METTL25: variants seen among roughly 807,000 people sequenced by gnomAD.
METTL25 encodes methyltransferase like 25.
In METTL25, 64 loss-of-function variants were observed where a neutral mutation model predicts 71.6. The ratio of observed to expected loss-of-function variants is 0.89; its 90% CI spans 0.73 to 1.10. METTL25 has a LOEUF of 1.10. Ranked by LOEUF, METTL25 falls within the 50% of genes least tolerant of loss-of-function variation. The pLI, the probability that METTL25 is intolerant of heterozygous loss-of-function variation, is 0.00. For synonymous variants in METTL25, 287 were observed against 250.3 expected (o/e 1.15, Z -1.38); for missense variants, 807 against 707.0 (o/e 1.14, Z -1.60).
intron 5 of METTL25, among the ~76,000 whole-genome samples, chr12:82,405,210 G>T (rs1268142900): frequency 6.6e-6 from 1 of 152,010 alleles, no homozygotes; most frequent in Non-Finnish European, 1.5e-5. Flanking sequence ...ATCCTTTTTG[G>T]CAATGTAGTC....
At chr12:82,402,216 A>G (rs1051474933) in intron 4 of METTL25, among the ~76,000 whole-genome samples, 1 of 152,072 alleles carries the variant, frequency 6.6e-6, no homozygotes, top group African/African-American at 2.4e-5. Flanking sequence ...TTATATTGTC[A>G]TAGTTGATGC....
chr12:82,408,048 C>T (rs1490732432), intron 5 of METTL25: 1 of 577,220 alleles, frequency 1.7e-6, no homozygotes, highest in Non-Finnish European at 2.2e-6. Context: ...ATGCCTGGAC[C>T]TGCCTCTTAC....
intron 8 of METTL25, chr12:82,439,922 C>G: frequency 3.0e-6 from 2 of 666,354 alleles, no homozygotes; most frequent in Non-Finnish European, 3.7e-6. Flanking sequence ...AACCTTTCTT[C>G]TCACTTAAAA....
At chr12:82,437,115 T>C (rs1366871671) in intron 7 of METTL25, among the ~76,000 whole-genome samples, 1 of 151,650 alleles carries the variant, frequency 6.6e-6, no homozygotes, top group Non-Finnish European at 1.5e-5. Flanking sequence ...ATCCAGAGAT[T>C]AAGAAATTCT....
rs563812158 is a variant in METTL25 at position 82,374,081 on chromosome 12, G to C, written c.260-12722G>C. 1.8e-4 allele frequency: 28 copies of C among 158,764 alleles called. 1 individual carries two copies. The South Asian group carries it at 3.5e-3, about 20-fold the overall frequency. The allele number at this position is 158,764 out of a possible 1,614,324, so 9.8% of individuals were successfully genotyped here. On this transcript the variant is annotated intron_variant, in intron 1 of 11. Transcript: ENST00000248306. Reference sequence around the variant, plus strand: ...ATGAAGCCACAGACCTTTGCGGTGAGTATTACACTCTTTAAGATGGTGTGT... The same window carrying C: ...ATGAAGCCACAGACCTTTGCGGTGACTATTACACTCTTTAAGATGGTGTGT...
intron 1 of METTL25, among the ~76,000 whole-genome samples, chr12:82,377,868 A>G (rs1002762923): frequency 6.6e-6 from 1 of 152,238 alleles, no homozygotes; most frequent in African/African-American, 2.4e-5. Context: ...AATATTCACA[A>G]AACTTTACAT....
chr12:82,418,769 C>A (rs977761053), intron 5 of METTL25, among the ~76,000 whole-genome samples: 1 of 151,980 alleles, frequency 6.6e-6, no homozygotes, highest in Non-Finnish European at 1.5e-5. Context: ...ATAAATGAAT[C>A]CATCATAAGG....
intron 8 of METTL25, among the ~76,000 whole-genome samples, chr12:82,439,495 G>C (rs575587831): frequency 7.3e-5 from 11 of 151,714 alleles, no homozygotes; most frequent in Non-Finnish European, 1.0e-4. Flanking sequence ...CAATTTTCAG[G>C]TTCTCAAAAA....
intron 8 of METTL25, among the ~76,000 whole-genome samples, chr12:82,440,590 G>T (rs1437892192): frequency 6.6e-6 from 1 of 151,762 alleles, no homozygotes; most frequent in African/African-American, 2.4e-5. Flanking sequence ...TTTATTTATT[G>T]TGTGACAGGC....
At chr12:82,358,875 G>C in intron 1 of METTL25, 51 bp downstream of exon 1, 1 of 1,549,222 alleles carries the variant, frequency 6.5e-7, no homozygotes, top group Non-Finnish European at 8.7e-7. Flanking sequence ...AGAAGGTCCC[G>C]GCAGACGAAG....
intron 1 of METTL25, among the ~76,000 whole-genome samples, chr12:82,383,942 T>C (rs1202312642): frequency 1.3e-5 from 2 of 152,164 alleles, no homozygotes; most frequent in Non-Finnish European, 2.9e-5. Flanking sequence ...CCTTCCCTTC[T>C]TCCCTTATGA....
intron 1 of METTL25, among the ~76,000 whole-genome samples, chr12:82,370,737 T>C (rs1017453517): frequency 9.9e-5 from 15 of 152,202 alleles, no homozygotes; most frequent in African/African-American, 3.6e-4. Flanking sequence ...TCTTTGTCTC[T>C]CTCTTTCTCT....
chr12:82,375,452 A>AT (rs11407565), intron 1 of METTL25, among the ~76,000 whole-genome samples: 128,764 of 151,662 alleles, frequency 0.85, 55,006 homozygotes, highest in East Asian at 0.99. Flanking sequence ...GAAAAAAAAA[A>AT]ATATATATAT....
chr12:82,428,211 A>G (rs934229016), intron 5 of METTL25, among the ~76,000 whole-genome samples: 2 of 151,892 alleles, frequency 1.3e-5, no homozygotes, highest in Non-Finnish European at 1.5e-5. Context: ...ACTGGCCACA[A>G]CCTACTCATG....
At chr12:82,421,497 A>C (rs1888488868) in intron 5 of METTL25, among the ~76,000 whole-genome samples, 1 of 152,122 alleles carries the variant, frequency 6.6e-6, no homozygotes, top group Non-Finnish European at 1.5e-5. Flanking sequence ...ACATATGTTG[A>C]TTTTAAGGTG....
At chr12:82,436,812 C>T (rs1001678065) in intron 7 of METTL25, among the ~76,000 whole-genome samples, 22 of 151,524 alleles carry the variant, frequency 1.5e-4, no homozygotes, top group Middle Eastern at 3.4e-3. Context: ...TATTTTTAGG[C>T]GTTTCATATA....
intron 2 of METTL25, chr12:82,388,680 T>A (rs1885284562): frequency 6.6e-6 from 1 of 152,184 alleles, no homozygotes; most frequent in African/African-American, 2.4e-5. Flanking sequence ...CTGGATGGAC[T>A]CTGTTGTGTC....
intron 5 of METTL25, among the ~76,000 whole-genome samples, chr12:82,404,724 C>T (rs769819860): frequency 1.8e-4 from 28 of 152,084 alleles, no homozygotes; most frequent in Non-Finnish European, 3.8e-4. Flanking sequence ...AGGCAGATCA[C>T]CTGAGGTCAG....
intron 8 of METTL25, among the ~76,000 whole-genome samples, chr12:82,452,547 C>T (rs558779315): frequency 2.0e-5 from 3 of 152,142 alleles, no homozygotes; most frequent in Admixed American, 1.3e-4. Flanking sequence ...CAATATTTAT[C>T]CTTAAAACTA....
Sources: gnomAD v4.1 joint callset for allele counts (sites outside exome capture counted in the v4.1 genomes callset) on GRCh38, gnomAD v4.1.1 for gene constraint, MANE v1.5 for transcripts, NCBI Gene and HGNC (gene_info 2026-07-23, HGNC 2026-07-21) for gene names.